The following OSBP variants were observed in gnomAD, a reference collection of about 807,000 sequenced individuals.
OSBP encodes oxysterol-binding protein 1.
A neutral mutation model predicts 96.6 loss-of-function variants in OSBP; 32 were observed. The observed-to-expected ratio is 0.33, with a 90% CI of 0.25 to 0.45. The LOEUF is 0.45. Ranked by LOEUF, OSBP falls within the 20% of genes least tolerant of loss-of-function variation. OSBP has a pLI of 1.00. For missense variants in OSBP, 653 were observed against 1,029.7 expected, an observed-to-expected ratio of 0.63 and a Z score of 5.01; for synonymous variants, 369 against 389.6, an observed-to-expected ratio of 0.95 and a Z score of 0.62.
At chr11:59,592,541 G>A (rs1397506993) in intron 9 of OSBP, among the ~76,000 whole-genome samples, 1 of 152,184 alleles carries the variant, frequency 6.6e-6, no homozygotes, top group African/African-American at 2.4e-5. Flanking sequence ...TCTCTTGGGA[G>A]CTACTTGTTT....
At chr11:59,611,454 C>T (rs776699078) in intron 1 of OSBP, among the ~76,000 whole-genome samples, 7 of 152,096 alleles carry the variant, frequency 4.6e-5, no homozygotes, top group Non-Finnish European at 8.8e-5. Context: ...ATCTCGCTCC[C>T]GACTGTAACT....
rs762860195 is a variant in OSBP, at chr11:59,576,934, G to A, written c.2152C>T (p.Arg718Ter). 2 of 1,614,176 alleles carry A rather than the reference G, an allele frequency of 1.2e-6. No individual in the cohort carries two copies. Among genetic ancestry groups the A allele is most frequent in the Non-Finnish European group, 8.5e-7 (1 of 1,180,036 alleles). The change falls in exon 13 of 14, where the codon CGA becomes TGA. Residue 718 changes from arginine (R) to a stop codon, truncating the protein, a stop_gained. Coordinates refer to ENST00000263847, the MANE Select transcript of OSBP (RefSeq NM_002556.3). LOFTEE classifies it high-confidence loss of function. Reference sequence around the variant, plus strand: ...TTTTCCATCAGTCTCTGGTCAGGTCGTAACCGGCTGTCTGTGGGGGCAGTG... The same window carrying A: ...TTTTCCATCAGTCTCTGGTCAGGTCATAACCGGCTGTCTGTGGGGGCAGTG... ...SGTAPTDSRL[R>*]PDQRLMENGR... is the part of the protein sequence containing the mutation.
intron 10 of OSBP, among the ~76,000 whole-genome samples, chr11:59,580,610 C>T (rs998303464): frequency 6.6e-6 from 1 of 152,208 alleles, no homozygotes; most frequent in African/African-American, 2.4e-5. Flanking sequence ...AATCAAAATA[C>T]TCTACTCACA....
chr11:59,586,377 CTG>C (rs1484759659), intron 9 of OSBP, among the ~76,000 whole-genome samples: 2 of 152,006 alleles, frequency 1.3e-5, no homozygotes, highest in African/African-American at 4.8e-5. Context: ...GAGGTGAAAA[CTG>C]TAAAACATTG....
intron 9 of OSBP, among the ~76,000 whole-genome samples, chr11:59,591,271 A>C (rs1860577081): frequency 6.6e-6 from 1 of 152,224 alleles, no homozygotes; most frequent in South Asian, 2.1e-4. Context: ...TACCATGTTC[A>C]TATATTCATT....
chr11:59,600,401 T>C (rs552461313), intron 7 of OSBP, 95 bp downstream of exon 7: 3 of 1,312,310 alleles, frequency 2.3e-6, no homozygotes, highest in East Asian at 4.7e-5. Context: ...TGCCACAAAC[T>C]GCCGCACAAG....
rs187730097 is a variant in OSBP at position 59,614,742 on chromosome 11, G to T, written c.362+561C>A. 3.3e-3 allele frequency among the ~76,000 whole-genome samples: 507 copies of T among 152,322 alleles called. 3 individuals are homozygous for T. Among genetic ancestry groups the T allele is most frequent in the African/African-American group, 0.011 (468 of 41,572 alleles). On this transcript the variant is annotated intron_variant, in intron 1 of 13. Coordinates refer to ENST00000263847, the MANE Select transcript of OSBP (RefSeq NM_002556.3). ...CAAAGCACATGCAAAGTCTTGGAGA[G>T]ATAAGGCAGAAAGGGGACGGAATAC...
intron 1 of OSBP, among the ~76,000 whole-genome samples, chr11:59,613,332 T>C (rs974409229): frequency 5.9e-5 from 9 of 152,180 alleles, no homozygotes; most frequent in African/African-American, 2.2e-4. Flanking sequence ...CTAGCTCTTG[T>C]AAGGGAGAAG....
At chr11:59,611,536 C>A (rs1860847893) in intron 1 of OSBP, among the ~76,000 whole-genome samples, 1 of 152,074 alleles carries the variant, frequency 6.6e-6, no homozygotes, top group African/African-American at 2.4e-5. Flanking sequence ...AAAAAAAGCA[C>A]CCTTAAATGT....
At chr11:59,582,656 T>C (rs1860434998) in intron 9 of OSBP, among the ~76,000 whole-genome samples, 1 of 152,184 alleles carries the variant, frequency 6.6e-6, no homozygotes, top group African/African-American at 2.4e-5. Flanking sequence ...TTATCAGAAG[T>C]GCAGGTGGCC....
chr11:59,578,322 C>T lies in OSBP; in HGVS notation c.1887G>A (p.Gly629=), dbSNP rs376998591. The change falls in exon 12 of 14, where the codon GGG becomes GGA. Residue 629 remains glycine (G), a synonymous_variant. Coordinates refer to ENST00000263847, the MANE Select transcript of OSBP (RefSeq NM_002556.3). Reference sequence around the variant, plus strand: ...CTTTTCCTGATGGATCTGTCACTTCCCCCGTCACCTGCAAGGGTGGAGAAC... The same window carrying T: ...CTTTTCCTGATGGATCTGTCACTTCTCCCGTCACCTGCAAGGGTGGAGAAC... ...FSRDVARKVT[G]EVTDPSGKVH... is the part of the protein sequence containing the mutation. The T allele has an allele frequency of 3.2e-5, 52 of 1,613,892 alleles. No individual in the cohort carries two copies. The highest frequency in any genetic ancestry group is 4.4e-5 in the Non-Finnish European group (52 of 1,179,910).
Position 59,578,349 on chromosome 11 carries a change from G to A in OSBP, c.1879-19C>T. 6.2e-7 allele frequency: 1 copy of A among 1,611,172 alleles called. No homozygotes were observed. The highest frequency in any genetic ancestry group is 2.2e-5 in the East Asian group (1 of 44,858). ...CCGTCACCTGCAAGGGTGGAGAACA[G>A]GGCTTGGCTATATAGAATTCACTGT... On this transcript the variant is annotated intron_variant, in intron 11 of 13. Transcript: ENST00000263847.
intron 9 of OSBP, among the ~76,000 whole-genome samples, chr11:59,590,890 A>T (rs919294753): frequency 2.0e-5 from 3 of 152,208 alleles, no homozygotes; most frequent in African/African-American, 7.2e-5. Flanking sequence ...TAGAAATTCC[A>T]TTCTTTAGAT....
intron 9 of OSBP, among the ~76,000 whole-genome samples, chr11:59,583,016 A>C (rs1860440531): frequency 6.6e-6 from 1 of 152,170 alleles, no homozygotes; most frequent in Non-Finnish European, 1.5e-5. Context: ...ATAGTTAATA[A>C]TACTCAATTC....
At chr11:59,583,634 GTTTTT>G (rs764596509) in intron 9 of OSBP, among the ~76,000 whole-genome samples, 2 of 64,310 alleles carry the variant, frequency 3.1e-5, no homozygotes, top group African/African-American at 6.5e-5. Context: ...CTAAATCTCT[GTTTTT>G]TTTTTTTTTT....
intron 3 of OSBP, among the ~76,000 whole-genome samples, chr11:59,602,882 A>C (rs2134671209): frequency 6.6e-6 from 1 of 152,310 alleles, no homozygotes; most frequent in East Asian, 1.9e-4. Context: ...AGCCTCCCAA[A>C]GTGTTGGGAT....
intron 11 of OSBP, 134 bp downstream of exon 11, chr11:59,580,040 T>C (rs1373562576): frequency 1.6e-5 from 11 of 698,786 alleles, no homozygotes; most frequent in Non-Finnish European, 2.8e-5. Flanking sequence ...TGAATCACTA[T>C]ATGTACACAT....
At chr11:59,579,769 G>C (rs1860398928) in intron 11 of OSBP, among the ~76,000 whole-genome samples, 1 of 151,574 alleles carries the variant, frequency 6.6e-6, no homozygotes. Flanking sequence ...GCCCAGGCTG[G>C]GGTGCAATGG....
chr11:59,605,918 G>A (rs916334000), intron 3 of OSBP, among the ~76,000 whole-genome samples: 3 of 152,186 alleles, frequency 2.0e-5, no homozygotes, highest in Admixed American at 6.5e-5. Context: ...GATGCAGGTT[G>A]CCTCAAGTTA....
Sources: allele counts gnomAD v4.1 joint callset (sites outside exome capture counted in the v4.1 genomes callset), GRCh38; gene constraint gnomAD v4.1.1; transcripts MANE v1.5; gene names NCBI Gene and HGNC (gene_info 2026-07-23, HGNC 2026-07-21).